The following NPRL3 variants were observed in gnomAD, a reference collection of about 807,000 sequenced individuals.
The protein encoded by NPRL3 is GATOR1 complex protein NPRL3.
A neutral mutation model predicts 57.2 loss-of-function variants in NPRL3; 23 were observed. The ratio of observed to expected loss-of-function variants is 0.40; its 90% CI spans 0.29 to 0.57. NPRL3 has a LOEUF of 0.57. NPRL3 is among the 20% of genes least tolerant of loss of function. The pLI, the probability that NPRL3 is intolerant of heterozygous loss-of-function variation, is 0.42. For missense variants in NPRL3, 691 were observed against 767.1 expected (o/e 0.90, Z 1.17); for synonymous variants, 333 against 321.1 (o/e 1.04, Z -0.39).
At chr16:106,221 T>TC in intron 7 of NPRL3, among the ~76,000 whole-genome samples, 1 of 152,258 alleles carries the variant, frequency 6.6e-6, no homozygotes, top group East Asian at 1.9e-4. Context: ...GGCAGGAGAA[T>TC]CACTTAAGCC....
At chr16:111,341 A>G (rs1247782131) in intron 6 of NPRL3, among the ~76,000 whole-genome samples, 1 of 152,170 alleles carries the variant, frequency 6.6e-6, no homozygotes, top group Non-Finnish European at 1.5e-5. Flanking sequence ...TGGAGCTTGC[A>G]GTGAGCAGAG....
chr16:112,908 C>A, intron 5 of NPRL3, 133 bp from the exon 6 acceptor site: 1 of 872,750 alleles, frequency 1.1e-6, no homozygotes, highest in Non-Finnish European at 1.6e-6. Flanking sequence ...TCCTTTCCCC[C>A]AGGCTCCTTT....
intron 12 of NPRL3, 102 bp from the exon 13 acceptor site, chr16:88,992 C>A (rs963424101): frequency 9.5e-7 from 1 of 1,052,326 alleles, no homozygotes; most frequent in Non-Finnish European, 1.4e-6. Context: ...ACCCCTAACT[C>A]CTACAAGGGT....
At chr16:94,370 C>A (rs1386298381) in intron 9 of NPRL3, among the ~76,000 whole-genome samples, 1 of 152,252 alleles carries the variant, frequency 6.6e-6, no homozygotes, top group Non-Finnish European at 1.5e-5. Flanking sequence ...ACCCTCTTGG[C>A]GGGTAGGCCT....
At chr16:96,958 C>A in intron 9 of NPRL3, among the ~76,000 whole-genome samples, 1 of 30,738 alleles carries the variant, frequency 3.3e-5, no homozygotes, top group Non-Finnish European at 6.6e-5. Context: ...GTTCCCCTAA[C>A]GTGCTAAGCA....
chr16:129,140 T>C (rs763202627), intron 3 of NPRL3, among the ~76,000 whole-genome samples: 76 of 152,262 alleles, frequency 5.0e-4, no homozygotes, highest in South Asian at 1.2e-3. Context: ...CTGCAGGAAT[T>C]AGGTACTGCC....
intron 2 of NPRL3, among the ~76,000 whole-genome samples, chr16:133,320 G>A (rs1249717219): frequency 3.3e-5 from 5 of 152,104 alleles, no homozygotes; most frequent in East Asian, 1.9e-4. Flanking sequence ...TGCCTCCCAG[G>A]CTCAAGCAAT....
intron 8 of NPRL3, among the ~76,000 whole-genome samples, chr16:98,621 A>G (rs1317620671): frequency 6.6e-6 from 1 of 152,202 alleles, no homozygotes; most frequent in South Asian, 2.1e-4. Context: ...GGATTTGAGA[A>G]AAGGGCAGTG....
chr16:123,870 C>T (rs533533161), intron 3 of NPRL3, among the ~76,000 whole-genome samples: 1 of 129,088 alleles, frequency 7.7e-6, no homozygotes, highest in African/African-American at 3.1e-5. Flanking sequence ...GAGGGTCACA[C>T]ACTCCCCACG....
intron 3 of NPRL3, chr16:125,187 G>A (rs2562165): frequency 0.065 from 10,027 of 154,352 alleles, 1,096 homozygotes; most frequent in African/African-American, 0.23. Flanking sequence ...ATCCAGGAGT[G>A]GAAACATTGT....
intron 5 of NPRL3, among the ~76,000 whole-genome samples, chr16:116,071 A>G (rs1202534625): frequency 6.6e-6 from 1 of 152,214 alleles, no homozygotes; most frequent in Non-Finnish European, 1.5e-5. Context: ...ATCTAAGGGC[A>G]TCATATGCTA....
Position 100,639 on chromosome 16 carries a change from G to A in NPRL3, c.630-130C>T, listed in dbSNP as rs149651696. ...GAAACTGCAGGTGGAGACCCGGGCAGGAGAGCATCTCTTAAGATCACATTA... is the reference window on the plus strand; with the variant it reads ...GAAACTGCAGGTGGAGACCCGGGCAAGAGAGCATCTCTTAAGATCACATTA... On this transcript the variant is annotated intron_variant, in intron 7 of 13. Transcript: ENST00000611875. 1,119 of 871,372 alleles carry A rather than the reference G, an allele frequency of 1.3e-3. 10 individuals are homozygous for A. In the African/African-American group the frequency reaches 0.017, roughly 13 times the overall value. The allele number at this position is 871,372 out of a possible 1,614,324, so 54.0% of individuals were successfully genotyped here.
At chr16:89,173 T>C in intron 12 of NPRL3, 1 of 447,292 alleles carries the variant, frequency 2.2e-6, no homozygotes, top group Non-Finnish European at 4.1e-6. Context: ...GGCCTGGGCA[T>C]CCTGTCCCTC....
Position 137,383 on chromosome 16 carries a change from G to C in NPRL3, c.118+767C>G, listed in dbSNP as rs1029693148. On this transcript the variant is annotated intron_variant, in intron 2 of 13. Coordinates refer to ENST00000611875, the MANE Select transcript of NPRL3 (RefSeq NM_001077350.3). ...AGCTCCAAGGCCGACTATGGGAAAA[G>C]GGCGCCACAGAACAATTCGTGCGAT... Among the ~76,000 whole-genome samples the C allele has an allele frequency of 2.6e-5, 4 of 152,206 alleles. 1 individual carries two copies. The highest frequency in any genetic ancestry group is 9.7e-5 in the African/African-American group (4 of 41,450).
chr16:95,426 A>G (rs1898966530), intron 9 of NPRL3, among the ~76,000 whole-genome samples: 1 of 150,298 alleles, frequency 6.7e-6, no homozygotes, highest in Non-Finnish European at 1.5e-5. Flanking sequence ...GGAGGGATCT[A>G]GGTTACCTGT....
chr16:92,336 T>C (rs1468169153), intron 11 of NPRL3, among the ~76,000 whole-genome samples: 3 of 152,138 alleles, frequency 2.0e-5, no homozygotes, highest in Admixed American at 6.5e-5. Flanking sequence ...CACTAAAAAC[T>C]GCCTGCCACA....
At chr16:105,862 G>A (rs1219972066) in intron 7 of NPRL3, among the ~76,000 whole-genome samples, 1 of 152,172 alleles carries the variant, frequency 6.6e-6, no homozygotes, top group Non-Finnish European at 1.5e-5. Flanking sequence ...AGGGCCACTG[G>A]GATCCACAGG....
At chr16:136,610 T>G (rs1385136878) in intron 2 of NPRL3, among the ~76,000 whole-genome samples, 2 of 150,594 alleles carry the variant, frequency 1.3e-5, no homozygotes, top group Non-Finnish European at 2.9e-5. Flanking sequence ...GAGAATTGCT[T>G]GACAGGGGGT....
At chr16:92,451 G>A (rs1017133978) in intron 11 of NPRL3, 145 bp downstream of exon 11, 26 of 1,018,208 alleles carry the variant, frequency 2.6e-5, no homozygotes, top group African/African-American at 1.1e-4. Context: ...TGCTGGGCAC[G>A]TAGCACTTGC....
Sources: gnomAD v4.1 joint callset for allele counts (sites outside exome capture counted in the v4.1 genomes callset) on GRCh38, gnomAD v4.1.1 for gene constraint, MANE v1.5 for transcripts, NCBI Gene and HGNC (gene_info 2026-07-23, HGNC 2026-07-21) for gene names.